The following NCAM2 variants were observed in gnomAD, a reference collection of about 807,000 sequenced individuals.
NCAM2 encodes neural cell adhesion molecule 2.
A neutral mutation model predicts 98.1 loss-of-function variants in NCAM2; 30 were observed. The observed-to-expected ratio is 0.31, with a 90% CI of 0.23 to 0.41. The LOEUF is 0.41. Among genes scored for constraint, NCAM2 ranks in the 10% least tolerant of loss-of-function variants. The pLI is 1.00. For missense variants in NCAM2, 867 were observed against 1,005.8 expected (o/e 0.86, Z 1.87); for synonymous variants, 368 against 342.4 (o/e 1.07, Z -0.83).
intron 8 of NCAM2, among the ~76,000 whole-genome samples, chr21:21,355,930 G>T (rs190938205): frequency 3.3e-5 from 5 of 152,150 alleles, no homozygotes; most frequent in Non-Finnish European, 1.5e-5. Context: ...TCAAAGTAGG[G>T]ATAGTCACCT....
intron 1 of NCAM2, among the ~76,000 whole-genome samples, chr21:21,154,264 G>T (rs1377091333): frequency 1.3e-5 from 2 of 151,710 alleles, no homozygotes; most frequent in East Asian, 1.9e-4. Flanking sequence ...ACATTGTTAT[G>T]GAATAAAAAG....
intron 1 of NCAM2, among the ~76,000 whole-genome samples, chr21:21,006,465 C>T (rs1841411786): frequency 1.3e-5 from 2 of 152,110 alleles, no homozygotes; most frequent in Non-Finnish European, 2.9e-5. Context: ...GCAGAGATAG[C>T]ATCACTGCAC....
rs540437001 is a variant in NCAM2, at chr21:21,345,690, AGAAAGTTTATGCAAAG to A, written c.1044+7158_1044+7173del. 8.5e-5 allele frequency among the ~76,000 whole-genome samples: 13 copies of A among 152,298 alleles called. No homozygotes were observed. In the South Asian group the frequency reaches 2.7e-3, roughly 32 times the overall value. On this transcript the variant is annotated intron_variant, in intron 8 of 17. Coordinates refer to ENST00000400546, the MANE Select transcript of NCAM2 (RefSeq NM_004540.5). ...AGGAGATAGAGAAAGAGATAGGTGT[AGAAAGTTTATGCAAAG>A]GGATAATAGGAACTTCCTAAACCTA...
chr21:21,401,257 A>G (rs2076623853), intron 9 of NCAM2, among the ~76,000 whole-genome samples: 3 of 150,660 alleles, frequency 2.0e-5, no homozygotes. Flanking sequence ...ATATTTTCAT[A>G]TATGTCTAAC....
chr21:21,236,756 A>G (rs1184255306), intron 1 of NCAM2, among the ~76,000 whole-genome samples: 12 of 150,112 alleles, frequency 8.0e-5, no homozygotes, highest in East Asian at 6.0e-4. Flanking sequence ...ATCAGTACAT[A>G]TGTGTGTGTG....
chr21:21,456,187 A>G (rs1303486260), intron 12 of NCAM2, among the ~76,000 whole-genome samples: 4 of 152,144 alleles, frequency 2.6e-5, no homozygotes, highest in Non-Finnish European at 4.4e-5. Context: ...GGAATCTTGA[A>G]TGGGATATAT....
At chr21:21,401,418 T>A (rs1252467841) in intron 9 of NCAM2, among the ~76,000 whole-genome samples, 1 of 152,172 alleles carries the variant, frequency 6.6e-6, no homozygotes, top group East Asian at 1.9e-4. Context: ...CTTACTTCTG[T>A]TGTCTAACTG....
intron 1 of NCAM2, among the ~76,000 whole-genome samples, chr21:21,151,891 A>G (rs1450019242): frequency 6.6e-6 from 1 of 151,906 alleles, no homozygotes; most frequent in Non-Finnish European, 1.5e-5. Flanking sequence ...TGCTCTCAAG[A>G]TTTTAATTCT....
intron 1 of NCAM2, among the ~76,000 whole-genome samples, chr21:21,053,059 T>TG (rs1185741008): frequency 6.6e-6 from 1 of 151,946 alleles, no homozygotes; most frequent in Non-Finnish European, 1.5e-5. Flanking sequence ...ATTGAATAGT[T>TG]GAAAAAAAAA....
At chr21:21,382,586 G>A (rs1366595270) in intron 9 of NCAM2, among the ~76,000 whole-genome samples, 4 of 149,592 alleles carry the variant, frequency 2.7e-5, no homozygotes, top group East Asian at 2.0e-4. Context: ...TGTGATCTCC[G>A]CTCACCGCAA....
chr21:21,416,960 A>G (rs1366076980), intron 10 of NCAM2, among the ~76,000 whole-genome samples: 2 of 152,054 alleles, frequency 1.3e-5, no homozygotes, highest in South Asian at 4.1e-4. Flanking sequence ...AGCATACAAC[A>G]TGATAAAAGG....
chr21:21,403,529 G>T (rs1302174900), intron 9 of NCAM2, among the ~76,000 whole-genome samples: 3 of 152,134 alleles, frequency 2.0e-5, no homozygotes, highest in African/African-American at 4.8e-5. Flanking sequence ...ACTCAGGGAA[G>T]AAAAACTTTT....
intron 1 of NCAM2, among the ~76,000 whole-genome samples, chr21:21,178,144 A>G (rs1409863759): frequency 1.3e-5 from 2 of 152,144 alleles, no homozygotes; most frequent in African/African-American, 4.8e-5. Context: ...AAAACAATTT[A>G]TTGCTGTTTT....
chr21:21,264,089 T>C (rs975281175), intron 1 of NCAM2, among the ~76,000 whole-genome samples: 3 of 152,038 alleles, frequency 2.0e-5, no homozygotes, highest in African/African-American at 7.2e-5. Flanking sequence ...ATTTGCAAAC[T>C]ATGCCTCTGA....
At chr21:21,443,269 A>G (rs1979584755) in intron 12 of NCAM2, among the ~76,000 whole-genome samples, 1 of 152,072 alleles carries the variant, frequency 6.6e-6, no homozygotes, top group South Asian at 2.1e-4. Context: ...CACACCGGGG[A>G]CTGCCGAGGG....
intron 1 of NCAM2, among the ~76,000 whole-genome samples, chr21:21,225,192 TG>T (rs1258490842): frequency 6.6e-6 from 1 of 151,794 alleles, no homozygotes; most frequent in Admixed American, 6.6e-5. Context: ...TCACTTAAAG[TG>T]GGAGCTGAAC....
At chr21:21,313,305 C>A (rs899737709) in intron 5 of NCAM2, among the ~76,000 whole-genome samples, 1 of 151,780 alleles carries the variant, frequency 6.6e-6, no homozygotes, top group East Asian at 1.9e-4. Flanking sequence ...TAGGCTATCC[C>A]AAAGAGTAAT....
intron 1 of NCAM2, among the ~76,000 whole-genome samples, chr21:21,105,790 C>T (rs575101099): frequency 6.6e-6 from 1 of 152,162 alleles, no homozygotes; most frequent in Non-Finnish European, 1.5e-5. Flanking sequence ...ACGCTTTCTT[C>T]TAGGGAGTGA....
intron 8 of NCAM2, among the ~76,000 whole-genome samples, chr21:21,349,028 A>T (rs7277503): frequency 6.6e-6 from 1 of 152,002 alleles, no homozygotes; most frequent in Non-Finnish European, 1.5e-5. Context: ...TGACCTGGGC[A>T]TAATTTTTTG....
Sources: allele counts gnomAD v4.1 joint callset (sites outside exome capture counted in the v4.1 genomes callset), GRCh38; gene constraint gnomAD v4.1.1; transcripts MANE v1.5; gene names NCBI Gene and HGNC (gene_info 2026-07-23, HGNC 2026-07-21).